Variants in WIPI2 observed in about 807,000 individuals in gnomAD.
The protein encoded by WIPI2 is WD repeat domain, phosphoinositide interacting 2, also known as WD repeat domain phosphoinositide-interacting protein 2.
Under a neutral mutation model 52.3 loss-of-function variants are expected in WIPI2, and 28 were observed. That is an observed-to-expected ratio of 0.54 (90% CI 0.40 to 0.73). The LOEUF (loss-of-function observed/expected upper bound fraction) is 0.73, where lower values mean the gene tolerates loss of function less well. Among genes scored for constraint, WIPI2 ranks in the 30% least tolerant of loss-of-function variants. The probability of loss-of-function intolerance (pLI) is 0.00; values close to 1 mark genes in which losing one functional copy is unlikely to be tolerated. For missense variants in WIPI2, 506 were observed against 602.9 expected (o/e 0.84, Z 1.68); for synonymous variants, 268 against 245.0 (o/e 1.09, Z -0.88).
intron 3 of WIPI2, among the ~76,000 whole-genome samples, chr7:5,205,322 G>A (rs1782242922): frequency 6.6e-6 from 1 of 152,182 alleles, no homozygotes. Flanking sequence ...TCACTCCAGA[G>A]TGATTGGTCG....
intron 2 of WIPI2, among the ~76,000 whole-genome samples, chr7:5,197,306 A>C (rs1362680090): frequency 6.6e-6 from 1 of 152,010 alleles, no homozygotes; most frequent in African/African-American, 2.4e-5. Context: ...GGAGTGGGGG[A>C]GTCCTGCTTA....
At position 5,220,458 on chromosome 7, in the gene WIPI2, C is replaced by T. The variant is rs377557488; in HGVS notation, c.670-2144C>T. On this transcript the variant is annotated intron_variant, in intron 7 of 12. Transcript: ENST00000288828. ...GTTTAACCACGTTGGCCAGGCTGGT[C>T]GTGAACTCCTGACCTCGTGATCCAC... is the stretch of plus-strand genomic sequence containing the variant. Among the ~76,000 whole-genome samples, 8 of 152,060 alleles carry T rather than the reference C, an allele frequency of 5.3e-5. No individual in the cohort carries two copies. In the East Asian group the frequency reaches 9.7e-4, roughly 18 times the overall value.
At chr7:5,219,697 T>C (rs950870993) in intron 7 of WIPI2, among the ~76,000 whole-genome samples, 8 of 152,250 alleles carry the variant, frequency 5.3e-5, no homozygotes, top group African/African-American at 1.9e-4. Context: ...TCTGAAAGTT[T>C]AGGCTGCAGA....
In WIPI2 at chr7:5,218,064, C is replaced by G. The variant is rs1336255033; in HGVS notation, c.669+50C>G. 7 of 1,589,378 alleles carry G rather than the reference C, an allele frequency of 4.4e-6. No homozygotes were observed. The African/African-American group carries it at 9.4e-5, about 21-fold the overall frequency. On this transcript the variant is annotated intron_variant, in intron 7 of 12. Coordinates refer to ENST00000288828, the MANE Select transcript of WIPI2 (RefSeq NM_015610.4). ...GCACTGGTGCCAAGGCGTCCACAGA[C>G]TTTTTCAGTTCTGTTCACACAGCCA...
intron 7 of WIPI2, among the ~76,000 whole-genome samples, chr7:5,219,915 A>G (rs1783019773): frequency 1.3e-5 from 2 of 151,244 alleles, no homozygotes; most frequent in African/African-American, 4.9e-5. Flanking sequence ...TGCTCTATGC[A>G]ACCTCCATCT....
chr7:5,195,858 G>A (rs1440094811), intron 2 of WIPI2, among the ~76,000 whole-genome samples: 2 of 151,810 alleles, frequency 1.3e-5, no homozygotes, highest in Non-Finnish European at 2.9e-5. Context: ...GGCCAAGATG[G>A]TGAAACTCCA....
chr7:5,203,106 A>G lies in WIPI2; in HGVS notation c.211+3448A>G, dbSNP rs971139513. 3.3e-5 allele frequency among the ~76,000 whole-genome samples: 5 copies of G among 152,204 alleles called. No individual in the cohort carries two copies. In the East Asian group the frequency reaches 5.8e-4, roughly 18 times the overall value. On this transcript the variant is annotated intron_variant, in intron 3 of 12. Coordinates refer to ENST00000288828, the MANE Select transcript of WIPI2 (RefSeq NM_015610.4). ...TAGCTGTTGACATATAACATCTTTT[A>G]TCAACCTTCCTGCTTGGCCAAGAAA...
At chr7:5,199,685 T>G in intron 3 of WIPI2, 27 bp downstream of exon 3, 1 of 1,473,950 alleles carries the variant, frequency 6.8e-7, no homozygotes, top group Non-Finnish European at 9.2e-7. Flanking sequence ...TTTTTCCCCT[T>G]CTTAAAAAAA....
intron 7 of WIPI2, 24 bp downstream of exon 7, chr7:5,218,038 A>T (rs1474572693): frequency 1.2e-6 from 2 of 1,612,276 alleles, no homozygotes; most frequent in Non-Finnish European, 1.7e-6. Flanking sequence ...TCCCCGGGGG[A>T]GCACTGGTGC....
chr7:5,208,421 GTT>G (rs34816133), intron 3 of WIPI2, among the ~76,000 whole-genome samples: 1 of 147,106 alleles, frequency 6.8e-6, no homozygotes, highest in Non-Finnish European at 1.5e-5. Context: ...TATTTATGTT[GTT>G]TTTTTTTTTC....
At chr7:5,195,078 C>G (rs947446605) in intron 2 of WIPI2, among the ~76,000 whole-genome samples, 43 of 152,208 alleles carry the variant, frequency 2.8e-4, no homozygotes, top group African/African-American at 1.0e-3. Flanking sequence ...AGCAGGGTCT[C>G]TGGGTTTGGG....
intron 8 of WIPI2, among the ~76,000 whole-genome samples, chr7:5,223,636 C>T (rs1460613743): frequency 6.6e-6 from 1 of 152,196 alleles, no homozygotes; most frequent in Non-Finnish European, 1.5e-5. Context: ...CCCCCGTGGC[C>T]TGTGTGTGTG....
intron 4 of WIPI2, among the ~76,000 whole-genome samples, chr7:5,215,477 G>T (rs1782769361): frequency 6.6e-6 from 1 of 152,238 alleles, no homozygotes; most frequent in Non-Finnish European, 1.5e-5. Flanking sequence ...GCACGTGTGT[G>T]TGTCTCCCAG....
At chr7:5,211,801 G>A (rs1443164755) in intron 3 of WIPI2, among the ~76,000 whole-genome samples, 1 of 152,182 alleles carries the variant, frequency 6.6e-6, no homozygotes, top group Non-Finnish European at 1.5e-5. Context: ...GTAGATATCA[G>A]GCCTTACAGC....
intron 3 of WIPI2, among the ~76,000 whole-genome samples, chr7:5,210,628 G>C (rs1370628065): frequency 6.6e-6 from 1 of 152,168 alleles, no homozygotes; most frequent in Non-Finnish European, 1.5e-5. Context: ...TGTTGAATGG[G>C]TGAAGTAAAT....
At chr7:5,212,643 C>T (rs4720530) in intron 3 of WIPI2, among the ~76,000 whole-genome samples, 82,923 of 152,082 alleles carry the variant, frequency 0.55, 23,007 homozygotes, top group East Asian at 0.7. Context: ...AGGCACTCTT[C>T]CTACCTCAGC....
rs574100723 is a variant in WIPI2 at position 5,224,813 on chromosome 7, C to T, written c.741-1010C>T. 5.3e-5 allele frequency among the ~76,000 whole-genome samples: 8 copies of T among 152,290 alleles called. No individual in the cohort carries two copies. The South Asian group carries it at 8.3e-4, about 16-fold the overall frequency. ...GCCTATGCCCGGGGAGGAACAAGGA[C>T]GGCTTGGAGATGACAAGCAAGATGG... On this transcript the variant is annotated intron_variant, in intron 8 of 12. Transcript: ENST00000288828.
chr7:5,200,519 C>T (rs963525393), intron 3 of WIPI2, among the ~76,000 whole-genome samples: 2 of 151,792 alleles, frequency 1.3e-5, no homozygotes, highest in Non-Finnish European at 2.9e-5. Context: ...CCTCCTTGTG[C>T]TCGTTTGTGT....
chr7:5,223,955 C>T (rs1045220082), intron 8 of WIPI2, among the ~76,000 whole-genome samples: 16 of 152,378 alleles, frequency 1.1e-4, no homozygotes, highest in African/African-American at 3.4e-4. Flanking sequence ...TCTGCTGTTG[C>T]CCTGGATTCC....
Sources: allele counts gnomAD v4.1 joint callset (sites outside exome capture counted in the v4.1 genomes callset), GRCh38; gene constraint gnomAD v4.1.1; transcripts MANE v1.5; gene names NCBI Gene and HGNC (gene_info 2026-07-23, HGNC 2026-07-21).